DOCK11: variants seen among roughly 807,000 people sequenced by gnomAD.
DOCK11 encodes the protein dedicator of cytokinesis protein 11.
DOCK11 carries 70 observed loss-of-function variants against 169.1 expected under a neutral mutation model. The ratio of observed to expected loss-of-function variants is 0.41; its 90% CI spans 0.34 to 0.51. DOCK11 has a LOEUF of 0.51. Ranked by LOEUF, DOCK11 falls within the 20% of genes least tolerant of loss-of-function variation. The probability of loss-of-function intolerance (pLI) is 0.10; values close to 1 mark genes in which losing one functional copy is unlikely to be tolerated. For synonymous variants in DOCK11, 529 were observed against 541.3 expected, an observed-to-expected ratio of 0.98 and a Z score of 0.32; for missense variants, 1,166 against 1,538.8, an observed-to-expected ratio of 0.76 and a Z score of 4.05.
chrX:118,608,181 T>C (rs1302284375), intron 25 of DOCK11, 40 bp downstream of exon 25: 2 of 1,191,675 alleles, frequency 1.7e-6, no homozygotes, highest in Non-Finnish European at 2.3e-6. Context: ...ATTTGTTTTA[T>C]GTGACAATTT....
intron 42 of DOCK11, among the ~76,000 whole-genome samples, chrX:118,652,852 A>G (rs764199599): frequency 6.2e-5 from 7 of 112,545 alleles, no homozygotes; most frequent in African/African-American, 2.3e-4. Flanking sequence ...ATTGTGTAAA[A>G]TCTGAAAAAG....
chrX:118,635,459 A>C (rs2015363206), intron 35 of DOCK11, among the ~76,000 whole-genome samples: 1 of 112,758 alleles, frequency 8.9e-6, no homozygotes, highest in African/African-American at 3.2e-5. Context: ...TATATGTGAT[A>C]GATTTAAGAG....
At position 118,499,459 on chromosome X, in the gene DOCK11, C is replaced by T. The variant is rs1316812240; in HGVS notation, c.102+3386C>T. On this transcript the variant is annotated intron_variant, in intron 1 of 52. Coordinates refer to ENST00000276202, the MANE Select transcript of DOCK11 (RefSeq NM_144658.4). ...TCAGCCAGATTTCGTATAATAGCTC[C>T]AGTAGAGAAAAGCTCTCCAGAAGCT... Among the ~76,000 whole-genome samples, 3 of 111,879 alleles carry T rather than the reference C, an allele frequency of 2.7e-5. 1 individual carries two copies. The highest frequency in any genetic ancestry group is 9.8e-5 in the African/African-American group (3 of 30,734).
chrX:118,588,643 C>G (rs753001149), intron 18 of DOCK11, among the ~76,000 whole-genome samples, 165 bp downstream of exon 18: 6 of 112,303 alleles, frequency 5.3e-5, no homozygotes, highest in African/African-American at 1.9e-4. Flanking sequence ...AACTATAAGG[C>G]TTAGTTTAAA....
chrX:118,590,179 A>G, intron 18 of DOCK11, 31 bp from the exon 19 acceptor site: 1 of 1,130,791 alleles, frequency 8.8e-7, no homozygotes, highest in Non-Finnish European at 1.2e-6. Flanking sequence ...ACCTGCATTT[A>G]GAGCGGTGAC....
At chrX:118,506,674 T>A (rs2057614792) in intron 1 of DOCK11, among the ~76,000 whole-genome samples, 1 of 108,810 alleles carries the variant, frequency 9.2e-6, no homozygotes, top group South Asian at 4.0e-4. Context: ...AAAAAAAAAA[T>A]TATATTTTGG....
rs371818459 is a variant in DOCK11, at chrX:118,593,238, C to T, written c.2164C>T (p.Leu722=). The change falls in exon 20 of 53, where the codon CTA becomes TTA. Residue 722 remains leucine (L), a synonymous_variant. Transcript: ENST00000276202. ...DEIKIELPIH[L]HQKHHLLFTF... is the part of the protein sequence containing the mutation. The stretch of plus-strand genomic sequence containing the variant: ...GATTAAAATTGAGCTTCCCATTCAC[C>T]TACATCAAAAACATCATTTGCTTTT... The T allele has an allele frequency of 2.5e-6, 3 of 1,199,540 alleles. No individual in the cohort carries two copies. The highest frequency in any genetic ancestry group is 3.4e-6 in the Non-Finnish European group (3 of 889,904).
At chrX:118,568,372 A>T (rs1460240977) in intron 10 of DOCK11, among the ~76,000 whole-genome samples, 20 of 840 alleles carry the variant, frequency 0.024, no homozygotes, top group African/African-American at 0.081. Flanking sequence ...GGGCTGAATT[A>T]TATATATATA....
intron 44 of DOCK11, among the ~76,000 whole-genome samples, chrX:118,656,644 A>G (rs901267638): frequency 8.9e-6 from 1 of 112,373 alleles, no homozygotes; most frequent in African/African-American, 3.2e-5. Context: ...CTTCAGAGAA[A>G]TAGATTAATA....
At chrX:118,503,216 C>T (rs966377878) in intron 1 of DOCK11, among the ~76,000 whole-genome samples, 5 of 109,574 alleles carry the variant, frequency 4.6e-5, no homozygotes, top group Admixed American at 9.8e-5. Context: ...CGTGCCACCA[C>T]GCCCCATATA....
chrX:118,497,227 T>G lies in DOCK11; in HGVS notation c.102+1154T>G, dbSNP rs763389019. ...GGGCTCTTTTTGTTAAAACAACTTG[T>G]CATCGGAAGGGAACTTCACAGCTTT... On this transcript the variant is annotated intron_variant, in intron 1 of 52. Coordinates refer to ENST00000276202, the MANE Select transcript of DOCK11 (RefSeq NM_144658.4). 1.8e-4 allele frequency among the ~76,000 whole-genome samples: 20 copies of G among 112,226 alleles called. No individual in the cohort carries two copies. The Admixed American group carries it at 1.8e-3, about 10-fold the overall frequency.
intron 9 of DOCK11, among the ~76,000 whole-genome samples, chrX:118,566,991 C>T (rs919631741): frequency 1.8e-5 from 2 of 112,278 alleles, no homozygotes; most frequent in Non-Finnish European, 3.8e-5. Flanking sequence ...TGATGCAGCT[C>T]ATGCACATGA....
chrX:118,666,510 A>T (rs1434331530), intron 45 of DOCK11, among the ~76,000 whole-genome samples: 1 of 111,406 alleles, frequency 9.0e-6, no homozygotes, highest in African/African-American at 3.3e-5. Flanking sequence ...CCTTTTTTTA[A>T]TCTGGCTTCT....
intron 45 of DOCK11, among the ~76,000 whole-genome samples, chrX:118,664,150 A>C (rs149222754): frequency 2.4e-4 from 27 of 111,209 alleles, no homozygotes; most frequent in African/African-American, 8.5e-4. Context: ...CAGGGTAGTG[A>C]AAGATTCAGG....
rs148367018 is a variant in DOCK11, at chrX:118,561,498, C to T, written c.674C>T (p.Ala225Val). 256 of 1,197,977 alleles carry T rather than the reference C, an allele frequency of 2.1e-4. No individual in the cohort carries two copies. Among genetic ancestry groups the T allele is most frequent in the Non-Finnish European group, 2.8e-4 (251 of 889,944 alleles). Residue 225 changes from alanine to valine, a missense_variant, in exon 7 of 53, where the codon GCC (alanine) becomes GTC (valine). By Grantham distance (64) the Ala-to-Val change is moderately conservative. Transcript: ENST00000276202. ...TCGAAAGGTTGCATCTACTTGGACG[C>T]CTGCATTGATGTTGTTCAGGTAAGG... The part of the protein sequence containing the change: ...KESKGCIYLD[A>V]CIDVVQCPKM...
intron 46 of DOCK11, 28 bp downstream of exon 46, chrX:118,671,173 G>A (rs753773643): frequency 8.4e-7 from 1 of 1,184,867 alleles, no homozygotes; most frequent in East Asian, 3.0e-5. Flanking sequence ...TTTTATCATT[G>A]ACTTATGTAT....
chrX:118,673,262 A>G (rs1000685225), intron 46 of DOCK11, among the ~76,000 whole-genome samples: 1 of 111,837 alleles, frequency 8.9e-6, no homozygotes, highest in Non-Finnish European at 1.9e-5. Context: ...GGAGGGGTGT[A>G]AGGGTCTGTA....
At position 118,504,219 on chromosome X, in the gene DOCK11, G is replaced by T. The variant is rs760748164; in HGVS notation, c.102+8146G>T. Among the ~76,000 whole-genome samples, 6 of 110,935 alleles carry T rather than the reference G, an allele frequency of 5.4e-5. No homozygotes were observed. In the East Asian group the frequency reaches 1.7e-3, roughly 32 times the overall value. On this transcript the variant is annotated intron_variant, in intron 1 of 52. Coordinates refer to ENST00000276202, the MANE Select transcript of DOCK11 (RefSeq NM_144658.4). ...TTTCGTCCTTTCTGGGTTCGACAAGGTTAAATAGGCCTTTACTAATGAACA... is the reference window on the plus strand; with the variant it reads ...TTTCGTCCTTTCTGGGTTCGACAAGTTTAAATAGGCCTTTACTAATGAACA...
In DOCK11 at chrX:118,543,593, G is replaced by C; in HGVS notation, c.392G>C (p.Cys131Ser). The C allele has an allele frequency of 8.4e-7, 1 of 1,196,214 alleles. No homozygotes were observed. The highest frequency in any genetic ancestry group is 1.1e-6 in the Non-Finnish European group (1 of 881,462). ...DFSGDFRMLP[C>S]KSLRPEKIPN... ...TCTGGGGACTTTCGAATGTTGCCAT[G>C]GTAAGTTTAGCATTCCAGGGAAACA... The change falls in exon 4 of 53, where the codon TGT becomes TCT. Residue 131 changes from cysteine (C) to serine (S), a missense_variant and splice_region_variant. Cys to Ser is a moderately radical substitution (Grantham distance 112). Transcript: ENST00000276202.
Sources: gnomAD v4.1 joint callset for allele counts (sites outside exome capture counted in the v4.1 genomes callset) on GRCh38, gnomAD v4.1.1 for gene constraint, MANE v1.5 for transcripts, NCBI Gene and HGNC (gene_info 2026-07-23, HGNC 2026-07-21) for gene names.